CTNNA2: variants seen among roughly 807,000 people sequenced by gnomAD.
CTNNA2 encodes the protein catenin alpha-2.
In CTNNA2, 42 loss-of-function variants were observed where a neutral mutation model predicts 101.0. The observed-to-expected ratio is 0.42, with a 90% confidence interval of 0.32 to 0.54. The LOEUF is 0.54. Ranked by LOEUF, CTNNA2 falls within the 20% of genes least tolerant of loss-of-function variation. The pLI, the probability that CTNNA2 is intolerant of heterozygous loss-of-function variation, is 0.14. For missense variants in CTNNA2, 871 were observed against 1,223.1 expected, an observed-to-expected ratio of 0.71 and a Z score of 4.29; for synonymous variants, 450 against 456.4, an observed-to-expected ratio of 0.99 and a Z score of 0.18.
rs28641556 is a variant in CTNNA2 at position 79,840,413 on chromosome 2, T to C, written c.299-17600T>C. On this transcript the variant is annotated intron_variant, in intron 3 of 18. Coordinates refer to ENST00000402739, the MANE Select transcript of CTNNA2 (RefSeq NM_001282597.3). Reference sequence around the variant, plus strand: ...AGTACTTCAGAATCAGCTTGCATTATTTCAATCATGCTAATTTCTTTTTCT... The same window carrying C: ...AGTACTTCAGAATCAGCTTGCATTACTTCAATCATGCTAATTTCTTTTTCT... Among the ~76,000 whole-genome samples, 455 of 152,354 alleles carry C rather than the reference T, an allele frequency of 3.0e-3. 2 individuals are homozygous for C. The highest frequency in any genetic ancestry group is 0.01 in the African/African-American group (424 of 41,582).
intron 2 of CTNNA2, among the ~76,000 whole-genome samples, chr2:79,232,275 G>T (rs952000977): frequency 4.6e-5 from 7 of 152,118 alleles, no homozygotes; most frequent in Non-Finnish European, 8.8e-5. Flanking sequence ...AAGAATGATT[G>T]ATTTTATCTA....
At chr2:80,195,500 C>G (rs563530470) in intron 7 of CTNNA2, among the ~76,000 whole-genome samples, 1 of 151,954 alleles carries the variant, frequency 6.6e-6, no homozygotes, top group Non-Finnish European at 1.5e-5. Context: ...AGTTTACAAT[C>G]TTAGTCCTCA....
At chr2:79,642,027 TC>T (rs1680482514) in intron 1 of CTNNA2, among the ~76,000 whole-genome samples, 1 of 152,204 alleles carries the variant, frequency 6.6e-6, no homozygotes, top group South Asian at 2.1e-4. Flanking sequence ...TTTGGAGCTT[TC>T]TTTGTATATA....
intron 7 of CTNNA2, among the ~76,000 whole-genome samples, chr2:80,383,315 A>C (rs1394556570): frequency 6.6e-6 from 1 of 152,150 alleles, no homozygotes; most frequent in African/African-American, 2.4e-5. Flanking sequence ...TATCCCTTTC[A>C]TACCTGCTGC....
chr2:80,052,272 A>T (rs1362476599), intron 7 of CTNNA2, among the ~76,000 whole-genome samples: 2 of 152,230 alleles, frequency 1.3e-5, no homozygotes, highest in African/African-American at 4.8e-5. Context: ...ACATACATTT[A>T]GCCATGTGTC....
At chr2:79,488,318 CAAA>C (rs61641596) in intron 4 of CTNNA2, among the ~76,000 whole-genome samples, 141 of 99,866 alleles carry the variant, frequency 1.4e-3, no homozygotes, top group African/African-American at 4.2e-3. Context: ...AACTCCATCT[CAAA>C]AAAAAAAAAA....
chr2:80,318,166 A>G (rs1379040045), intron 7 of CTNNA2, among the ~76,000 whole-genome samples: 3 of 152,172 alleles, frequency 2.0e-5, no homozygotes, highest in Admixed American at 2.0e-4. Flanking sequence ...AATATTTTAG[A>G]TAATAGTCTT....
chr2:80,517,848 T>C (rs731359), intron 9 of CTNNA2, among the ~76,000 whole-genome samples: 85,195 of 152,098 alleles, frequency 0.56, 25,416 homozygotes, highest in African/African-American at 0.78. Flanking sequence ...GTCTGCATGA[T>C]TACTTTACTG....
intron 7 of CTNNA2, among the ~76,000 whole-genome samples, chr2:80,345,418 G>C (rs1167821989): frequency 6.6e-6 from 1 of 151,954 alleles, no homozygotes; most frequent in East Asian, 1.9e-4. Flanking sequence ...TCCTCCATAA[G>C]ACCTTCCTTG....
intron 7 of CTNNA2, among the ~76,000 whole-genome samples, chr2:80,331,020 T>A (rs1009607892): frequency 9.3e-6 from 1 of 107,106 alleles, no homozygotes; most frequent in East Asian, 2.6e-4. Context: ...TTAAACTGTA[T>A]GTTTTTTTTT....
chr2:80,251,633 C>A (rs1671771248), intron 7 of CTNNA2, among the ~76,000 whole-genome samples: 1 of 152,192 alleles, frequency 6.6e-6, no homozygotes, highest in South Asian at 2.1e-4. Context: ...TAGCCACGAT[C>A]TGATCCATTT....
chr2:80,009,772 G>A (rs921206227), intron 7 of CTNNA2, among the ~76,000 whole-genome samples: 21 of 135,442 alleles, frequency 1.6e-4, no homozygotes, highest in African/African-American at 5.5e-4. Context: ...GACAGAGAGA[G>A]ACAGAGATTA....
chr2:79,630,968 A>C (rs1182152781), intron 1 of CTNNA2, among the ~76,000 whole-genome samples: 1 of 152,198 alleles, frequency 6.6e-6, no homozygotes, highest in Non-Finnish European at 1.5e-5. Flanking sequence ...CCACTTCTTC[A>C]CTGAAAGCTG....
intron 4 of CTNNA2, among the ~76,000 whole-genome samples, chr2:79,443,269 A>G (rs1331056520): frequency 2.0e-5 from 3 of 152,272 alleles, no homozygotes; most frequent in Middle Eastern, 3.4e-3. Context: ...AAGCCTGAGA[A>G]CCATGGGAGT....
chr2:80,296,956 T>G (rs1343959048), intron 7 of CTNNA2, among the ~76,000 whole-genome samples: 3 of 152,214 alleles, frequency 2.0e-5, no homozygotes, highest in Admixed American at 2.0e-4. Flanking sequence ...GAAATGCAGA[T>G]AAATCCCTGA....
At chr2:79,785,835 A>G (rs1178557060) in intron 3 of CTNNA2, among the ~76,000 whole-genome samples, 2 of 152,196 alleles carry the variant, frequency 1.3e-5, no homozygotes, top group South Asian at 2.1e-4. Flanking sequence ...ACTAGATCCT[A>G]TGATAGGGTA....
At chr2:80,533,978 T>C (rs916787668) in intron 9 of CTNNA2, among the ~76,000 whole-genome samples, 4 of 152,176 alleles carry the variant, frequency 2.6e-5, no homozygotes, top group Non-Finnish European at 4.4e-5. Context: ...CTGAGGTTTT[T>C]ATATATGAAG....
intron 7 of CTNNA2, among the ~76,000 whole-genome samples, chr2:80,187,690 A>G (rs1216596130): frequency 6.6e-6 from 1 of 152,218 alleles, no homozygotes; most frequent in Non-Finnish European, 1.5e-5. Context: ...CAACATCCGT[A>G]GAGGAAGAAC....
At chr2:80,322,672 C>T (rs973286771) in intron 7 of CTNNA2, among the ~76,000 whole-genome samples, 5 of 152,042 alleles carry the variant, frequency 3.3e-5, no homozygotes, top group African/African-American at 1.2e-4. Flanking sequence ...ATCGGAAACG[C>T]GTGTGTGGGG....
Sources: allele counts gnomAD v4.1 joint callset (sites outside exome capture counted in the v4.1 genomes callset), GRCh38; gene constraint gnomAD v4.1.1; transcripts MANE v1.5; gene names NCBI Gene and HGNC (gene_info 2026-07-23, HGNC 2026-07-21).